The following ASIC2 variants were observed in gnomAD, a reference collection of about 807,000 sequenced individuals.
ASIC2 encodes acid sensing ion channel subunit 2.
A neutral mutation model predicts 57.3 loss-of-function variants in ASIC2; 25 were observed. The observed-to-expected ratio is 0.44, with a 90% CI of 0.32 to 0.61. The LOEUF is 0.61. Among genes scored for constraint, ASIC2 ranks in the 20% least tolerant of loss-of-function variants. ASIC2 has a pLI of 0.06. For synonymous variants in ASIC2, 319 were observed against 307.5 expected, an observed-to-expected ratio of 1.04 and a Z score of -0.39; for missense variants, 641 against 738.1, an observed-to-expected ratio of 0.87 and a Z score of 1.52.
In ASIC2 at chr17:33,152,231, A is replaced by G. The variant is rs574835298; in HGVS notation, c.709-40164T>C. ...TCTTCCCACTGCCCAGTGAAGCGCTACTCGATCATACTAGACACAATGTGG... is the reference window on the plus strand; with the variant it reads ...TCTTCCCACTGCCCAGTGAAGCGCTGCTCGATCATACTAGACACAATGTGG... On this transcript the variant is annotated intron_variant, in intron 1 of 9. Coordinates refer to ENST00000225823, the MANE Select transcript of ASIC2 (RefSeq NM_183377.2). Among the ~76,000 whole-genome samples the G allele has an allele frequency of 2.0e-5, 3 of 152,276 alleles. No individual in the cohort carries two copies. The South Asian group carries it at 6.2e-4, about 32-fold the overall frequency.
intron 1 of ASIC2, among the ~76,000 whole-genome samples, chr17:33,348,436 G>GA (rs1193373175): frequency 1.3e-5 from 2 of 152,122 alleles, no homozygotes; most frequent in Non-Finnish European, 2.9e-5. Flanking sequence ...GCACATGAGA[G>GA]AAAAAACATC....
At chr17:33,108,973 T>A (rs2092246150) in intron 2 of ASIC2, among the ~76,000 whole-genome samples, 2 of 152,176 alleles carry the variant, frequency 1.3e-5, no homozygotes, top group South Asian at 4.1e-4. Flanking sequence ...TGCTCTCCAA[T>A]ATGGTAGCCA....
At chr17:33,877,350 A>C (rs1343685954) in intron 1 of ASIC2, among the ~76,000 whole-genome samples, 1 of 152,316 alleles carries the variant, frequency 6.6e-6, no homozygotes, top group East Asian at 1.9e-4. Flanking sequence ...TCAAGGGGTC[A>C]GGGAATTCCC....
chr17:33,164,403 C>T (rs937720001), intron 1 of ASIC2, among the ~76,000 whole-genome samples: 12 of 151,924 alleles, frequency 7.9e-5, no homozygotes, highest in African/African-American at 2.7e-4. Context: ...ATTAATGCTC[C>T]CCAAGGTCTT....
intron 1 of ASIC2, among the ~76,000 whole-genome samples, chr17:33,136,415 G>A (rs2092367419): frequency 6.6e-6 from 1 of 152,226 alleles, no homozygotes; most frequent in Admixed American, 6.5e-5. Flanking sequence ...GTATGCACAT[G>A]CATGCTTGAA....
chr17:33,312,007 C>A (rs922012228), intron 1 of ASIC2, among the ~76,000 whole-genome samples: 2 of 152,152 alleles, frequency 1.3e-5, no homozygotes, highest in African/African-American at 4.8e-5. Flanking sequence ...AGTTCCAACC[C>A]TGCAGTGGTC....
At chr17:33,513,405 TCTC>T (rs1375137647) in intron 1 of ASIC2, among the ~76,000 whole-genome samples, 1 of 152,242 alleles carries the variant, frequency 6.6e-6, no homozygotes, top group East Asian at 1.9e-4. Flanking sequence ...TGTGGAGTAT[TCTC>T]CTTTTCATTA....
intron 1 of ASIC2, among the ~76,000 whole-genome samples, chr17:33,748,997 G>C (rs567148888): frequency 6.6e-6 from 1 of 152,238 alleles, no homozygotes; most frequent in East Asian, 1.9e-4. Flanking sequence ...GGGGGCCCTC[G>C]GCACAGCCTA....
At chr17:33,882,038 G>A (rs1351041565) in intron 1 of ASIC2, among the ~76,000 whole-genome samples, 1 of 152,182 alleles carries the variant, frequency 6.6e-6, no homozygotes, top group Non-Finnish European at 1.5e-5. Flanking sequence ...AAATGGTGCT[G>A]GGAAAACTGG....
Position 33,921,270 on chromosome 17 carries a change from G to A in ASIC2, c.555+234708C>T, listed in dbSNP as rs190431635. Among the ~76,000 whole-genome samples the A allele has an allele frequency of 2.9e-4, 44 of 152,264 alleles. 1 individual carries two copies. The highest frequency in any genetic ancestry group is 2.1e-3 in the Admixed American group (32 of 15,296). On this transcript the variant is annotated intron_variant, in intron 1 of 9. Transcript: ENST00000359872. The stretch of plus-strand genomic sequence containing the variant: ...TCTTAGCCTCACCTATAAAACCAGT[G>A]TAATGATGTCTACTTTGATGTGTTG...
At chr17:33,147,747 G>C (rs1033347081) in intron 1 of ASIC2, among the ~76,000 whole-genome samples, 1 of 152,200 alleles carries the variant, frequency 6.6e-6, no homozygotes, top group African/African-American at 2.4e-5. Flanking sequence ...CTGGCATGCA[G>C]GGGAAGCAAG....
intron 1 of ASIC2, among the ~76,000 whole-genome samples, chr17:33,197,068 C>G (rs1906660709): frequency 6.6e-6 from 1 of 152,236 alleles, no homozygotes; most frequent in Non-Finnish European, 1.5e-5. Context: ...GAGAAAGTCA[C>G]TTAACCTTTC....
intron 1 of ASIC2, among the ~76,000 whole-genome samples, chr17:33,624,624 A>T (rs1905915422): frequency 6.6e-6 from 1 of 152,240 alleles, no homozygotes; most frequent in African/African-American, 2.4e-5. Context: ...CTCAGGTTCT[A>T]GTGCTGGCTT....
chr17:33,822,603 G>GAGATA (rs1912780255), intron 1 of ASIC2, among the ~76,000 whole-genome samples: 5 of 152,324 alleles, frequency 3.3e-5, no homozygotes, highest in Middle Eastern at 3.4e-3. Context: ...GAGAGGAGAT[G>GAGATA]AGATAAACTT....
intron 1 of ASIC2, among the ~76,000 whole-genome samples, chr17:34,155,325 T>G (rs1336778027): frequency 6.6e-6 from 1 of 152,120 alleles, no homozygotes; most frequent in African/African-American, 2.4e-5. Flanking sequence ...GGCTTCAACC[T>G]GCCAACAGAT....
intron 3 of ASIC2, among the ~76,000 whole-genome samples, chr17:33,055,972 T>C (rs2091996394): frequency 6.6e-6 from 1 of 152,198 alleles, no homozygotes; most frequent in African/African-American, 2.4e-5. Context: ...AAGATTAGAA[T>C]TCAGTTGTTT....
chr17:33,265,616 C>G (rs1909429068), intron 1 of ASIC2, among the ~76,000 whole-genome samples: 1 of 152,064 alleles, frequency 6.6e-6, no homozygotes, highest in Admixed American at 6.6e-5. Flanking sequence ...ACATATTTAC[C>G]TATGTAAGAA....
At chr17:34,059,197 G>T (rs1213045397) in intron 1 of ASIC2, among the ~76,000 whole-genome samples, 1 of 152,154 alleles carries the variant, frequency 6.6e-6, no homozygotes, top group African/African-American at 2.4e-5. Context: ...CTGCGGAAAT[G>T]AAAAAGGGAG....
At chr17:33,461,812 T>C (rs1431726917) in intron 1 of ASIC2, among the ~76,000 whole-genome samples, 2 of 152,258 alleles carry the variant, frequency 1.3e-5, no homozygotes, top group East Asian at 3.9e-4. Flanking sequence ...CATGACTAGA[T>C]ATTAAAGGGT....
Sources: allele counts gnomAD v4.1 joint callset (sites outside exome capture counted in the v4.1 genomes callset), GRCh38; gene constraint gnomAD v4.1.1; transcripts MANE v1.5; gene names NCBI Gene and HGNC (gene_info 2026-07-23, HGNC 2026-07-21).